Variants in PA2G4 observed in about 807,000 individuals in gnomAD.
The protein encoded by PA2G4 is proliferation-associated protein 2G4.
In PA2G4, 8 loss-of-function variants were observed where a neutral mutation model predicts 53.3. The observed-to-expected ratio is 0.15, with a 90% confidence interval of 0.09 to 0.27. PA2G4 has a LOEUF of 0.27. Among genes scored for constraint, PA2G4 ranks in the 10% least tolerant of loss-of-function variants. PA2G4 has a pLI of 1.00. For synonymous variants in PA2G4, 143 were observed against 169.8 expected (o/e 0.84, Z 1.23); for missense variants, 208 against 486.8 (o/e 0.43, Z 5.39).
At chr12:56,112,086 C>G (rs962071577) in intron 12 of PA2G4, among the ~76,000 whole-genome samples, 1 of 152,092 alleles carries the variant, frequency 6.6e-6, no homozygotes, top group African/African-American at 2.4e-5. Flanking sequence ...TGCGCTCCGG[C>G]CTGCGCAACA....
intron 1 of PA2G4, 61 bp downstream of exon 1, chr12:56,104,886 C>G (rs893572987): frequency 5.3e-5 from 75 of 1,425,506 alleles, no homozygotes; most frequent in Non-Finnish European, 7.2e-5. Context: ...CAGGCTGGCC[C>G]GGAAGGGGCT....
Position 56,113,809 on chromosome 12 carries a change from G to A in PA2G4, c.*921G>A, listed in dbSNP as rs1310621093. 2 of 701,410 alleles carry A rather than the reference G, an allele frequency of 2.9e-6. No individual in the cohort carries two copies. 43.4% of individuals were successfully genotyped at this position (701,410 alleles called of 1,614,324 possible). ...AAGGTGACAAATTTCAGTACCTCTG[G>A]CATGCTGTCCCAGGAAACTAGGGCT... On this transcript the variant is annotated 3_prime_UTR_variant, in exon 13 of 13. Transcript: ENST00000303305.
chr12:56,112,365 A>G (rs1435345016), intron 12 of PA2G4, among the ~76,000 whole-genome samples: 4 of 152,242 alleles, frequency 2.6e-5, no homozygotes, highest in Non-Finnish European at 4.4e-5. Context: ...CGAAATATCC[A>G]TATTGCTTTC....
chr12:56,108,733 G>A (rs1358277847), intron 5 of PA2G4, among the ~76,000 whole-genome samples: 1 of 152,132 alleles, frequency 6.6e-6, no homozygotes, highest in African/African-American at 2.4e-5. Context: ...TTGCAAGTTG[G>A]GGAGCATCTG....
At position 56,112,967 on chromosome 12, in the gene PA2G4, C is replaced by T. The variant is rs541228844; in HGVS notation, c.*79C>T. The T allele has an allele frequency of 6.4e-4, 610 of 953,770 alleles. 14 individuals are homozygous for T. The South Asian group carries it at 8.4e-3, about 13-fold the overall frequency. The allele number at this position is 953,770 out of a possible 1,614,324, so 59.1% of individuals were successfully genotyped here. On this transcript the variant is annotated 3_prime_UTR_variant, in exon 13 of 13. Coordinates refer to ENST00000303305, the MANE Select transcript of PA2G4 (RefSeq NM_006191.3). ...ACCCCAGACTCTGTGAAGTGCAGTT[C>T]TTCTCCACCTAGGACCGCCAGCAGA... is the stretch of plus-strand genomic sequence containing the variant.
chr12:56,107,680 C>A, intron 5 of PA2G4, 67 bp downstream of exon 5: 1 of 1,007,672 alleles, frequency 9.9e-7, no homozygotes, highest in Non-Finnish European at 1.6e-6. Context: ...TATAGCTACT[C>A]TATATGAAAC....
In PA2G4 at chr12:56,107,633, T is replaced by A. The variant is rs1272199645; in HGVS notation, c.486+20T>A. On this transcript the variant is annotated intron_variant, in intron 5 of 12. Transcript: ENST00000303305. ...AATCAGGTAAGCTATTTTATCCAAT[T>A]CCAAAGCTCGTTTGAACCAAAGATG... The A allele has an allele frequency of 6.3e-7, 1 of 1,579,810 alleles. No homozygotes were observed. Among genetic ancestry groups the A allele is most frequent in the South Asian group, 1.1e-5 (1 of 90,392 alleles).
At chr12:56,109,787 G>A (rs1394066945) in intron 6 of PA2G4, 70 bp from the exon 7 acceptor site, 6 of 1,069,850 alleles carry the variant, frequency 5.6e-6, no homozygotes, top group Non-Finnish European at 8.8e-6. Context: ...TCAAACTACT[G>A]AAGTGGGTGG....
In PA2G4 at chr12:56,105,934, A is replaced by G. The variant is rs189955902; in HGVS notation, c.89-654A>G. Among the ~76,000 whole-genome samples the G allele has an allele frequency of 3.2e-4, 49 of 152,302 alleles. 1 individual carries two copies. In the East Asian group the frequency reaches 8.1e-3, roughly 25 times the overall value. Reference sequence around the variant, plus strand: ...AAGAATCACCAAAACTGAGATACCAAAAGTCAAACCTGTGCTTTATATCAC... The same window carrying G: ...AAGAATCACCAAAACTGAGATACCAGAAGTCAAACCTGTGCTTTATATCAC... On this transcript the variant is annotated intron_variant, in intron 1 of 12. Coordinates refer to ENST00000303305, the MANE Select transcript of PA2G4 (RefSeq NM_006191.3).
At chr12:56,111,388 G>C (rs991030419) in intron 11 of PA2G4, 79 bp downstream of exon 11, 17 of 1,604,602 alleles carry the variant, frequency 1.1e-5, no homozygotes, top group Non-Finnish European at 1.3e-5. Flanking sequence ...GCAAAGTCCT[G>C]AAAAGAGCTG....
In PA2G4 at chr12:56,107,179, C is replaced by T. The variant is rs367629867; in HGVS notation, c.324-8C>T. On this transcript the variant is annotated splice_region_variant and splice_polypyrimidine_tract_variant and intron_variant, in intron 3 of 12. Transcript: ENST00000303305. The stretch of plus-strand genomic sequence containing the variant: ...TTCCTAATGCAGTACTCTGATCTTG[C>T]CTTTCAGTGACCTTGGGGTCCATGT... 1.2e-6 allele frequency: 2 copies of T among 1,612,590 alleles called. No individual in the cohort carries two copies. Among genetic ancestry groups the T allele is most frequent in the East Asian group, 4.5e-5 (2 of 44,886 alleles).
chr12:56,108,208 G>A (rs1869340494), intron 5 of PA2G4, among the ~76,000 whole-genome samples: 2 of 152,144 alleles, frequency 1.3e-5, no homozygotes, highest in Non-Finnish European at 2.9e-5. Flanking sequence ...AGACCAGCTT[G>A]GGAAACATAG....
intron 1 of PA2G4, 128 bp from the exon 2 acceptor site, chr12:56,106,459 CT>C (rs1869303659): frequency 6.8e-6 from 7 of 1,034,630 alleles, no homozygotes; most frequent in African/African-American, 1.6e-5. Context: ...GAATGTTGAC[CT>C]TTCAGCCTCA....
rs1869438499 is a variant in PA2G4, at chr12:56,112,071, ACCATT to A, written c.1119+543_1119+547del. On this transcript the variant is annotated intron_variant, in intron 12 of 12. Coordinates refer to ENST00000303305, the MANE Select transcript of PA2G4 (RefSeq NM_006191.3). ...AGAGGTTGCAGTGGGCCGAGATCGC[ACCATT>A]GCGCTCCGGCCTGCGCAACAAGAGC... 3.9e-5 allele frequency among the ~76,000 whole-genome samples: 6 copies of A among 152,296 alleles called. No homozygotes were observed. In the South Asian group the frequency reaches 1.2e-3, roughly 32 times the overall value.
chr12:56,107,140 T>G, intron 3 of PA2G4, 45 bp downstream of exon 3: 2 of 1,604,702 alleles, frequency 1.2e-6, no homozygotes, highest in Non-Finnish European at 1.7e-6. Flanking sequence ...TTTAAAGCAT[T>G]TACAAAATGC....
chr12:56,106,249 TTCTG>T (rs1352812402), intron 1 of PA2G4: 18 of 191,128 alleles, frequency 9.4e-5, no homozygotes, highest in African/African-American at 3.7e-4. Context: ...GAGTCAGCAA[TTCTG>T]TCTACCTTCT....
chr12:56,110,270 G>T (rs933630731), intron 7 of PA2G4, 129 bp from the exon 8 acceptor site: 11 of 646,920 alleles, frequency 1.7e-5, no homozygotes, highest in Admixed American at 1.3e-4. Flanking sequence ...TGAGGCAGGA[G>T]AGTTGCTTGG....
Position 56,113,283 on chromosome 12 carries a change from C to G in PA2G4, c.*395C>G, listed in dbSNP as rs1252198701. The G allele has an allele frequency of 2.9e-5, 5 of 172,384 alleles. No homozygotes were observed. The highest frequency in any genetic ancestry group is 4.9e-5 in the Non-Finnish European group (4 of 82,038). The allele number at this position is 172,384 out of a possible 1,614,324, so 10.7% of individuals were successfully genotyped here. The stretch of plus-strand genomic sequence containing the variant: ...AACTCAGCCGAATTTTTTTATACCA[C>G]TCTGATGTCAGCATTTTTTCCATCT... On this transcript the variant is annotated 3_prime_UTR_variant, in exon 13 of 13. Coordinates refer to ENST00000303305, the MANE Select transcript of PA2G4 (RefSeq NM_006191.3).
Position 56,104,687 on chromosome 12 carries a change from G to A in PA2G4, c.-51G>A, listed in dbSNP as rs762680104. ...CAGCCTGTGGCTGGGAAGGGAGACA[G>A]AGGCGGCGGCGGCTCAGGGGAAACG... On this transcript the variant is annotated 5_prime_UTR_variant, in exon 1 of 13. Coordinates refer to ENST00000303305, the MANE Select transcript of PA2G4 (RefSeq NM_006191.3). 48 of 1,498,618 alleles carry A rather than the reference G, an allele frequency of 3.2e-5. No homozygotes were observed. The highest frequency in any genetic ancestry group is 3.8e-5 in the Non-Finnish European group (41 of 1,075,014). 92.8% of individuals were successfully genotyped at this position (1,498,618 alleles called of 1,614,324 possible). A position where few individuals can be genotyped will look rare whatever the true frequency, so the allele number is the denominator to read the frequency against.
Sources: allele counts gnomAD v4.1 joint callset (sites outside exome capture counted in the v4.1 genomes callset), GRCh38; gene constraint gnomAD v4.1.1; transcripts MANE v1.5; gene names NCBI Gene and HGNC (gene_info 2026-07-23, HGNC 2026-07-21).